CSMD1: variants seen among roughly 807,000 people sequenced by gnomAD.
CSMD1 encodes CUB and Sushi multiple domains 1.
In CSMD1, 213 loss-of-function variants were observed where a neutral mutation model predicts 417.5. The observed-to-expected ratio is 0.51, with a 90% CI of 0.46 to 0.57. The LOEUF is 0.57. Among genes scored for constraint, CSMD1 ranks in the 20% least tolerant of loss-of-function variants. The pLI, the probability that CSMD1 is intolerant of heterozygous loss-of-function variation, is 0.00. For missense variants in CSMD1, 6,923 were observed against 4,529.7 expected (o/e 1.53, Z -15.17); for synonymous variants, 2,862 against 1,736.8 (o/e 1.65, Z -16.11).
intron 26 of CSMD1, among the ~76,000 whole-genome samples, chr8:3,265,460 C>T (rs763930609): frequency 1.3e-5 from 2 of 152,104 alleles, no homozygotes; most frequent in Non-Finnish European, 2.9e-5. Flanking sequence ...GAGACGTTTC[C>T]TAAACAGAGT....
At chr8:3,210,704 T>G (rs1797555212) in intron 30 of CSMD1, among the ~76,000 whole-genome samples, 1 of 149,866 alleles carries the variant, frequency 6.7e-6, no homozygotes. Flanking sequence ...ACACTATATA[T>G]ATATAAAGTG....
At chr8:4,242,748 A>T (rs1457271429) in intron 3 of CSMD1, among the ~76,000 whole-genome samples, 2 of 152,178 alleles carry the variant, frequency 1.3e-5, no homozygotes, top group Non-Finnish European at 2.9e-5. Flanking sequence ...GCAGGGCACA[A>T]TCTGAACATC....
intron 2 of CSMD1, among the ~76,000 whole-genome samples, chr8:4,455,929 CAAAAAAAAAAAAAAAAA>C (rs71207091): frequency 1.8e-3 from 21 of 11,650 alleles, no homozygotes; most frequent in East Asian, 7.5e-3. Context: ...ACTCCAACTC[CAAAAAAAAAAAAAAAAA>C]AAAAAAAAAA....
At chr8:4,192,231 C>G (rs1383260703) in intron 3 of CSMD1, among the ~76,000 whole-genome samples, 1 of 152,098 alleles carries the variant, frequency 6.6e-6, no homozygotes, top group Non-Finnish European at 1.5e-5. Context: ...TGAATGTTAA[C>G]AAAATATAGT....
At chr8:4,003,254 G>A (rs1290241995) in intron 4 of CSMD1, among the ~76,000 whole-genome samples, 1 of 152,024 alleles carries the variant, frequency 6.6e-6, no homozygotes, top group Non-Finnish European at 1.5e-5. Context: ...GTAGCTGGGT[G>A]TGGTGACGGG....
At chr8:3,257,746 G>T (rs1034241091) in intron 26 of CSMD1, among the ~76,000 whole-genome samples, 1 of 152,126 alleles carries the variant, frequency 6.6e-6, no homozygotes, top group African/African-American at 2.4e-5. Context: ...ACATTTCTGG[G>T]GCTGGAGCTG....
At chr8:3,377,218 C>T (rs141411618) in intron 18 of CSMD1, among the ~76,000 whole-genome samples, 4 of 152,222 alleles carry the variant, frequency 2.6e-5, no homozygotes, top group African/African-American at 9.6e-5. Flanking sequence ...TACTGTGTTG[C>T]CCAGGCTGGC....
At chr8:3,524,616 T>A (rs1490642499) in intron 10 of CSMD1, among the ~76,000 whole-genome samples, 1 of 133,600 alleles carries the variant, frequency 7.5e-6, no homozygotes, top group Non-Finnish European at 1.6e-5. Flanking sequence ...CACATGCACA[T>A]ACACACATGC....
At chr8:3,034,759 A>G (rs1810563327) in intron 50 of CSMD1, among the ~76,000 whole-genome samples, 1 of 152,230 alleles carries the variant, frequency 6.6e-6, no homozygotes, top group South Asian at 2.1e-4. Context: ...GTAAAAATAT[A>G]GTCTATAGGG....
At chr8:4,128,277 G>C (rs903624606) in intron 3 of CSMD1, among the ~76,000 whole-genome samples, 6 of 152,104 alleles carry the variant, frequency 3.9e-5, no homozygotes, top group African/African-American at 1.4e-4. Flanking sequence ...GCATGAGTAA[G>C]AATGATCTGA....
At chr8:3,910,199 G>T (rs762685683) in intron 5 of CSMD1, among the ~76,000 whole-genome samples, 3 of 152,104 alleles carry the variant, frequency 2.0e-5, no homozygotes, top group African/African-American at 7.2e-5. Context: ...ATAATGCACG[G>T]AAAACAATGT....
At chr8:3,549,832 G>C (rs1258263731) in intron 10 of CSMD1, among the ~76,000 whole-genome samples, 2 of 152,158 alleles carry the variant, frequency 1.3e-5, no homozygotes, top group Non-Finnish European at 2.9e-5. Context: ...CCCAATTTCA[G>C]GTATTCTGTT....
At chr8:4,763,473 C>T (rs1416288962) in intron 1 of CSMD1, among the ~76,000 whole-genome samples, 2 of 152,090 alleles carry the variant, frequency 1.3e-5, no homozygotes, top group Non-Finnish European at 2.9e-5. Flanking sequence ...ATGATGAGAG[C>T]TCCATAATCA....
chr8:4,232,663 C>A (rs548078015), intron 3 of CSMD1, among the ~76,000 whole-genome samples: 2 of 152,042 alleles, frequency 1.3e-5, no homozygotes, highest in Non-Finnish European at 2.9e-5. Flanking sequence ...ACTTTCTTAA[C>A]TAAAACTCTC....
At chr8:3,216,696 A>T (rs1188755817) in intron 29 of CSMD1, among the ~76,000 whole-genome samples, 1 of 152,226 alleles carries the variant, frequency 6.6e-6, no homozygotes. Context: ...TTCTAACTAG[A>T]TGACTTCATA....
In CSMD1 at chr8:3,660,929, G is replaced by C. The variant is rs548000822; in HGVS notation, c.1010-44132C>G. On this transcript the variant is annotated intron_variant, in intron 7 of 69. Transcript: ENST00000635120. ...TGCTCCCAATTCATAGAAGTTTCTT[G>C]AGTTCCTGCACACACAAGACTGACA... Among the ~76,000 whole-genome samples the C allele has an allele frequency of 2.0e-5, 3 of 152,274 alleles. No individual in the cohort carries two copies. In the South Asian group the frequency reaches 6.2e-4, roughly 32 times the overall value.
chr8:3,419,595 T>G (rs1354614563), intron 12 of CSMD1, among the ~76,000 whole-genome samples: 2 of 152,174 alleles, frequency 1.3e-5, no homozygotes, highest in East Asian at 3.8e-4. Flanking sequence ...ATCCCACGTC[T>G]GGCCAATTGC....
chr8:4,171,422 G>A (rs556841490), intron 3 of CSMD1, among the ~76,000 whole-genome samples: 1 of 151,678 alleles, frequency 6.6e-6, no homozygotes, highest in East Asian at 1.9e-4. Context: ...TAATTACTTT[G>A]TAATACAATC....
At chr8:3,041,011 A>G (rs957574352) in intron 50 of CSMD1, among the ~76,000 whole-genome samples, 4 of 152,156 alleles carry the variant, frequency 2.6e-5, no homozygotes, top group Non-Finnish European at 5.9e-5. Context: ...AATATTGCAA[A>G]GCATTTTTCT....
Sources: gnomAD v4.1 joint callset for allele counts (sites outside exome capture counted in the v4.1 genomes callset) on GRCh38, gnomAD v4.1.1 for gene constraint, MANE v1.5 for transcripts, NCBI Gene and HGNC (gene_info 2026-07-23, HGNC 2026-07-21) for gene names.